The following RBFOX1 variants were observed in gnomAD, a reference collection of about 807,000 sequenced individuals.
The protein encoded by RBFOX1 is RNA binding fox-1 homolog 1.
RBFOX1 carries 8 observed loss-of-function variants against 57.7 expected under a neutral mutation model. The observed-to-expected ratio is 0.14, with a 90% CI of 0.08 to 0.25. The LOEUF is 0.25. Among genes scored for constraint, RBFOX1 ranks in the 10% least tolerant of loss-of-function variants. The pLI, the probability that RBFOX1 is intolerant of heterozygous loss-of-function variation, is 1.00. For synonymous variants in RBFOX1, 326 were observed against 222.4 expected (o/e 1.47, Z -4.15); for missense variants, 611 against 548.5 (o/e 1.11, Z -1.14).
At chr16:6,825,352 C>G (rs1405098604) in intron 3 of RBFOX1, among the ~76,000 whole-genome samples, 2 of 151,554 alleles carry the variant, frequency 1.3e-5, no homozygotes, top group Non-Finnish European at 2.9e-5. Context: ...GAGAATCAGT[C>G]TTCTAGATAT....
chr16:6,823,777 C>G (rs971465700), intron 3 of RBFOX1, among the ~76,000 whole-genome samples: 1 of 152,102 alleles, frequency 6.6e-6, no homozygotes, highest in Admixed American at 6.5e-5. Flanking sequence ...CTAGTTGTTG[C>G]AGATAGGAAA....
chr16:6,852,129 C>G (rs1050394516), intron 3 of RBFOX1, among the ~76,000 whole-genome samples: 5 of 151,990 alleles, frequency 3.3e-5, no homozygotes, highest in African/African-American at 1.2e-4. Flanking sequence ...AATTTATTAT[C>G]TAACAGTTTT....
At chr16:6,870,556 T>G (rs900196813) in intron 3 of RBFOX1, among the ~76,000 whole-genome samples, 2 of 152,222 alleles carry the variant, frequency 1.3e-5, no homozygotes, top group African/African-American at 4.8e-5. Context: ...TGTATAACTT[T>G]TGCAGGCTGG....
intron 14 of RBFOX1, among the ~76,000 whole-genome samples, chr16:7,694,548 A>C (rs1310149972): frequency 6.6e-6 from 1 of 152,210 alleles, no homozygotes; most frequent in Non-Finnish European, 1.5e-5. Context: ...CTGACATTTT[A>C]AAACAATGGT....
At chr16:7,346,706 C>T (rs941017452) in intron 4 of RBFOX1, among the ~76,000 whole-genome samples, 3 of 152,062 alleles carry the variant, frequency 2.0e-5, no homozygotes, top group African/African-American at 7.2e-5. Context: ...CAACTTACCT[C>T]TTATCTCTGA....
rs560288551 is a variant in RBFOX1, at chr16:7,052,066, C to T, written c.-6C>T. On this transcript the variant is annotated 5_prime_UTR_variant, in exon 4 of 16. Transcript: ENST00000550418. ...TTTCTTTTCTTTCTAGGTTTCAAGACAACAGATGAATTGTGAAAGAGAGCA... is the reference window on the plus strand; with the variant it reads ...TTTCTTTTCTTTCTAGGTTTCAAGATAACAGATGAATTGTGAAAGAGAGCA... 1.2e-6 allele frequency: 2 copies of T among 1,612,472 alleles called. No homozygotes were observed. The highest frequency in any genetic ancestry group is 8.5e-7 in the Non-Finnish European group (1 of 1,179,468).
At chr16:5,396,275 A>G (rs910070618) in intron 1 of RBFOX1, among the ~76,000 whole-genome samples, 1 of 152,200 alleles carries the variant, frequency 6.6e-6, no homozygotes, top group African/African-American at 2.4e-5. Context: ...GCTCTCACCA[A>G]TATCCCTACA....
At chr16:6,157,982 A>G (rs1187400673) in intron 1 of RBFOX1, among the ~76,000 whole-genome samples, 1 of 152,230 alleles carries the variant, frequency 6.6e-6, no homozygotes, top group Non-Finnish European at 1.5e-5. Flanking sequence ...AAGATGAGAT[A>G]TACTAATTGG....
chr16:7,019,087 T>C (rs1000154741), intron 3 of RBFOX1, among the ~76,000 whole-genome samples: 1 of 152,278 alleles, frequency 6.6e-6, no homozygotes, highest in South Asian at 2.1e-4. Flanking sequence ...AGTGTGTGTA[T>C]GTCTGTGTGT....
intron 4 of RBFOX1, among the ~76,000 whole-genome samples, chr16:7,283,836 G>A (rs1052434907): frequency 6.6e-6 from 1 of 152,180 alleles, no homozygotes. Flanking sequence ...TTAGCACACA[G>A]TTCTTCAAGT....
At chr16:6,502,130 C>G (rs565993707) in intron 2 of RBFOX1, among the ~76,000 whole-genome samples, 1 of 152,264 alleles carries the variant, frequency 6.6e-6, no homozygotes, top group Admixed American at 6.5e-5. Context: ...AAAATTCCTT[C>G]AGTGTCCCTT....
intron 2 of RBFOX1, among the ~76,000 whole-genome samples, chr16:6,441,357 T>C (rs533887044): frequency 1.3e-5 from 2 of 152,318 alleles, no homozygotes; most frequent in East Asian, 3.9e-4. Context: ...GCTAGATTCT[T>C]TCTCTCTGAC....
At chr16:7,502,865 A>G (rs929157667) in intron 4 of RBFOX1, among the ~76,000 whole-genome samples, 2 of 152,086 alleles carry the variant, frequency 1.3e-5, no homozygotes, top group African/African-American at 2.4e-5. Context: ...TCTACTAAAA[A>G]TACAAAAATT....
intron 4 of RBFOX1, among the ~76,000 whole-genome samples, chr16:7,134,299 A>G (rs1178108378): frequency 6.6e-6 from 1 of 152,128 alleles, no homozygotes; most frequent in Non-Finnish European, 1.5e-5. Context: ...TTGCTGTGAA[A>G]CTTTGGAAAT....
chr16:7,159,611 A>C (rs955419685), intron 4 of RBFOX1, among the ~76,000 whole-genome samples: 1 of 152,154 alleles, frequency 6.6e-6, no homozygotes, highest in East Asian at 1.9e-4. Flanking sequence ...CTATAGCTTC[A>C]GTCATCTCCC....
At chr16:6,898,612 A>G (rs2153401366) in intron 3 of RBFOX1, among the ~76,000 whole-genome samples, 1 of 152,256 alleles carries the variant, frequency 6.6e-6, no homozygotes, top group South Asian at 2.1e-4. Flanking sequence ...AAAAGGAAGT[A>G]GGTTATTTTT....
chr16:7,118,634 C>G lies in RBFOX1; in HGVS notation c.27+66536C>G, dbSNP rs191705748. Among the ~76,000 whole-genome samples, 412 of 152,226 alleles carry G rather than the reference C, an allele frequency of 2.7e-3. 2 individuals carry two copies. The highest frequency in any genetic ancestry group is 9.5e-3 in the African/African-American group (394 of 41,548). ...TGTAATCACACTTATCTTATCACCT[C>G]TGTCATATTCCATTGGTTAGAAACA... On this transcript the variant is annotated intron_variant, in intron 4 of 15. Transcript: ENST00000550418.
chr16:5,387,382 G>C (rs1294140108), intron 1 of RBFOX1, among the ~76,000 whole-genome samples: 1 of 152,164 alleles, frequency 6.6e-6, no homozygotes, highest in Non-Finnish European at 1.5e-5. Flanking sequence ...CTCCAAGTTG[G>C]CATGGTGACT....
intron 4 of RBFOX1, among the ~76,000 whole-genome samples, chr16:7,277,604 C>CT (rs1312667017): frequency 2.6e-5 from 4 of 152,066 alleles, no homozygotes; most frequent in Non-Finnish European, 5.9e-5. Flanking sequence ...GTATTTAAGT[C>CT]TGAAAGCTCA....
Sources: gnomAD v4.1 joint callset for allele counts (sites outside exome capture counted in the v4.1 genomes callset) on GRCh38, gnomAD v4.1.1 for gene constraint, MANE v1.5 for transcripts, NCBI Gene and HGNC (gene_info 2026-07-23, HGNC 2026-07-21) for gene names.